PIK3CB: variants seen among roughly 807,000 people sequenced by gnomAD.
PIK3CB encodes phosphatidylinositol-4,5-bisphosphate 3-kinase catalytic subunit beta.
A neutral mutation model predicts 136.8 loss-of-function variants in PIK3CB; 39 were observed. The observed-to-expected ratio is 0.29, with a 90% CI of 0.22 to 0.37. The LOEUF (loss-of-function observed/expected upper bound fraction) is 0.37. Among genes scored for constraint, PIK3CB ranks in the 10% least tolerant of loss-of-function variants. The pLI is 1.00. For missense variants in PIK3CB, 868 were observed against 1,275.4 expected (o/e 0.68, Z 4.87); for synonymous variants, 428 against 436.6 (o/e 0.98, Z 0.25).
chr3:138,756,032 CA>C, intron 3 of PIK3CB, 53 bp from the exon 4 acceptor site: 1 of 979,148 alleles, frequency 1.0e-6, no homozygotes, highest in Non-Finnish European at 1.6e-6. Context: ...CTCAAGTGTA[CA>C]AAGATATAAG....
intron 4 of PIK3CB, among the ~76,000 whole-genome samples, chr3:138,753,334 A>G (rs967519356): frequency 6.6e-6 from 1 of 152,178 alleles, no homozygotes; most frequent in Non-Finnish European, 1.5e-5. Context: ...CAGCCTGTCC[A>G]ACATGGTGAA....
chr3:138,831,803 T>C (rs1423365211), intron 1 of PIK3CB, among the ~76,000 whole-genome samples: 1 of 152,092 alleles, frequency 6.6e-6, no homozygotes, highest in East Asian at 1.9e-4. Flanking sequence ...TGTGCACCTG[T>C]AGTCCCAACT....
Position 138,656,147 on chromosome 3 carries a change from G to C in PIK3CB, c.3070C>G (p.Leu1024Val), listed in dbSNP as rs772008375. The change falls in exon 23 of 24, where the codon CTT becomes GTT. Residue 1024 changes from leucine to valine, a missense_variant. Coordinates refer to ENST00000674063, the MANE Select transcript of PIK3CB (RefSeq NM_006219.3). ...ELTSVKDIQY[L>V]KDSLALGKSE... ...AAGGAAAAGTGGTTTTATACCTTAA[G>C]ATACTGTATATCTTTGACTGATGTG... 1.2e-6 allele frequency: 2 copies of C among 1,614,066 alleles called. No individual in the cohort carries two copies. Among genetic ancestry groups the C allele is most frequent in the South Asian group, 1.1e-5 (1 of 91,072 alleles).
At chr3:138,732,855 T>C (rs760529930) in intron 8 of PIK3CB, among the ~76,000 whole-genome samples, 1 of 151,926 alleles carries the variant, frequency 6.6e-6, no homozygotes, top group Non-Finnish European at 1.5e-5. Context: ...ATTTAACATA[T>C]TCATCATCAC....
chr3:138,691,244 G>A (rs1577077929), intron 14 of PIK3CB, 101 bp from the exon 15 acceptor site: 1 of 1,060,936 alleles, frequency 9.4e-7, no homozygotes, highest in Non-Finnish European at 1.4e-6. Flanking sequence ...AAACACAATG[G>A]TTCTTTTGGG....
At chr3:138,695,938 T>TG (rs1251480121) in intron 13 of PIK3CB, among the ~76,000 whole-genome samples, 2 of 144,488 alleles carry the variant, frequency 1.4e-5, no homozygotes, top group South Asian at 2.2e-4. Flanking sequence ...TGTATTTTTT[T>TG]TTTTTTTTTT....
intron 1 of PIK3CB, among the ~76,000 whole-genome samples, chr3:138,834,265 C>T (rs1934170395): frequency 6.6e-6 from 1 of 152,266 alleles, no homozygotes; most frequent in South Asian, 2.1e-4. Context: ...AACCTAATAA[C>T]CCTGGGTCCA....
chr3:138,725,013 T>TGGGGGTA (rs1004532944), intron 8 of PIK3CB, among the ~76,000 whole-genome samples: 1 of 151,408 alleles, frequency 6.6e-6, no homozygotes, highest in African/African-American at 2.4e-5. Flanking sequence ...GGGGAAGGTG[T>TGGGGGTA]GGGGGTAGGG....
chr3:138,745,737 T>C (rs865842943), intron 4 of PIK3CB, among the ~76,000 whole-genome samples: 3 of 152,204 alleles, frequency 2.0e-5, no homozygotes, highest in African/African-American at 7.2e-5. Context: ...GGTCTTCTTG[T>C]TGTACAACCA....
rs57432821 is a variant in PIK3CB, at chr3:138,788,964, C to CAAAAAA, written c.-17+7493_-17+7498dup. 1.8e-3 allele frequency among the ~76,000 whole-genome samples: 158 copies of CAAAAAA among 89,458 alleles called. 1 individual carries two copies. The highest frequency in any genetic ancestry group is 5.6e-3 in the African/African-American group (121 of 21,644). 58.7% of individuals were successfully genotyped at this position (89,458 alleles called of 152,430 possible). On this transcript the variant is annotated intron_variant, in intron 2 of 23. Coordinates refer to ENST00000674063, the MANE Select transcript of PIK3CB (RefSeq NM_006219.3). ...GGGGGAAAAGAGAGAGACTTCGTCT[C>CAAAAAA]AAAAAAAAAAAAAAAAAAAAAAAAA... is the stretch of plus-strand genomic sequence containing the variant.
At position 138,683,653 on chromosome 3, in the gene PIK3CB, T is replaced by C. The variant is rs756241238; in HGVS notation, c.2425+25A>G. 21 of 1,148,162 alleles carry C rather than the reference T, an allele frequency of 1.8e-5. No individual in the cohort carries two copies. In the African/African-American group the frequency reaches 2.7e-4, roughly 15 times the overall value. The allele number at this position is 1,148,162 out of a possible 1,614,324, so 71.1% of individuals were successfully genotyped here. A position where few individuals can be genotyped will look rare whatever the true frequency, so the allele number is the denominator to read the frequency against. On this transcript the variant is annotated intron_variant, in intron 18 of 23. Coordinates refer to ENST00000674063, the MANE Select transcript of PIK3CB (RefSeq NM_006219.3). ...AACAAATGAAAAATTCTAAGAAATTTGATGTTAAAAATCTCAGTACTTACC... is the reference window on the plus strand; with the variant it reads ...AACAAATGAAAAATTCTAAGAAATTCGATGTTAAAAATCTCAGTACTTACC...
chr3:138,657,586 A>G (rs973866775), intron 22 of PIK3CB, 104 bp downstream of exon 22: 7 of 1,019,256 alleles, frequency 6.9e-6, no homozygotes, highest in East Asian at 2.6e-5. Context: ...ATCAGACTGA[A>G]TATCTCCCAG....
chr3:138,656,988 A>G (rs1437608649), intron 22 of PIK3CB, among the ~76,000 whole-genome samples: 2 of 152,076 alleles, frequency 1.3e-5, no homozygotes, highest in Non-Finnish European at 2.9e-5. Context: ...GGCTGGTCTC[A>G]AACTCCGACC....
rs548415417 is a variant in PIK3CB, at chr3:138,783,058, C to T, written c.-17+13405G>A. 2.0e-5 allele frequency among the ~76,000 whole-genome samples: 3 copies of T among 152,258 alleles called. No individual in the cohort carries two copies. The South Asian group carries it at 6.2e-4, about 32-fold the overall frequency. On this transcript the variant is annotated intron_variant, in intron 2 of 23. Coordinates refer to ENST00000674063, the MANE Select transcript of PIK3CB (RefSeq NM_006219.3). ...GCAGTGGGGGATATCATTAATGAGG[C>T]TACCATTATGACACCAGCAAATCAT...
intron 19 of PIK3CB, among the ~76,000 whole-genome samples, chr3:138,672,910 GAAAAAAA>G (rs748631273): frequency 2.3e-4 from 14 of 61,378 alleles, no homozygotes; most frequent in East Asian, 1.0e-3. Context: ...AGACTCCGTT[GAAAAAAA>G]AAAAAAAAAA....
chr3:138,795,701 CTAACTA>C (rs1207376521), intron 2 of PIK3CB, among the ~76,000 whole-genome samples: 1 of 152,112 alleles, frequency 6.6e-6, no homozygotes, highest in East Asian at 1.9e-4. Context: ...TATGGTTACC[CTAACTA>C]TAACTCCAGT....
intron 1 of PIK3CB, among the ~76,000 whole-genome samples, chr3:138,810,342 A>G (rs1247782273): frequency 2.6e-5 from 4 of 152,270 alleles, no homozygotes; most frequent in African/African-American, 9.6e-5. Context: ...TCCAAAAAGT[A>G]TAATATGAAA....
chr3:138,726,251 G>A (rs1394303594), intron 8 of PIK3CB, among the ~76,000 whole-genome samples: 1 of 152,216 alleles, frequency 6.6e-6, no homozygotes, highest in Non-Finnish European at 1.5e-5. Context: ...AACTTTAAGA[G>A]GTTGCTTTCC....
chr3:138,680,758 G>A (rs977025493), intron 19 of PIK3CB, among the ~76,000 whole-genome samples: 20 of 151,372 alleles, frequency 1.3e-4, no homozygotes, highest in Non-Finnish European at 2.9e-5. Flanking sequence ...GCATGATCTC[G>A]CTCACCGCAA....
Sources: gnomAD v4.1 joint callset for allele counts (sites outside exome capture counted in the v4.1 genomes callset) on GRCh38, gnomAD v4.1.1 for gene constraint, MANE v1.5 for transcripts, NCBI Gene and HGNC (gene_info 2026-07-23, HGNC 2026-07-21) for gene names.